The following ZNRD2 variants were observed in gnomAD, a reference collection of about 807,000 sequenced individuals.
The protein encoded by ZNRD2 is zinc ribbon domain containing 2, also known as protein ZNRD2.
A neutral mutation model predicts 22.0 loss-of-function variants in ZNRD2; 16 were observed. The ratio of observed to expected loss-of-function variants is 0.73; its 90% CI spans 0.49 to 1.11. The LOEUF is 1.11. ZNRD2 is among the 50% of genes least tolerant of loss of function. The pLI is 0.00. For synonymous variants in ZNRD2, 105 were observed against 109.8 expected, an observed-to-expected ratio of 0.96 and a Z score of 0.27; for missense variants, 269 against 258.9, an observed-to-expected ratio of 1.04 and a Z score of -0.27.
intron 3 of ZNRD2, 113 bp downstream of exon 3, chr11:65,571,083 C>T: frequency 4.8e-6 from 5 of 1,035,980 alleles, no homozygotes; most frequent in Non-Finnish European, 7.1e-6. Context: ...AGTGGAGTCT[C>T]TGGGTGGGGT....
In ZNRD2 at chr11:65,570,708, C is replaced by T; in HGVS notation, c.124C>T (p.Leu42=). The change falls in exon 2 of 4, where the codon CTG becomes TTG. Residue 42 remains leucine, a synonymous_variant. Transcript: ENST00000309328. ...DRISRLMGDY[L]LRGYRMLGET... ...CATCTCCCGGCTCATGGGCGACTAT[C>T]TGCTGCGCGGTTACCGCATGCTGGG... 1.9e-6 allele frequency: 3 copies of T among 1,613,890 alleles called. No individual in the cohort carries two copies. The highest frequency in any genetic ancestry group is 1.7e-6 in the Non-Finnish European group (2 of 1,179,954).
intron 3 of ZNRD2, 62 bp downstream of exon 3, chr11:65,571,032 G>A (rs772806201): frequency 2.6e-6 from 4 of 1,517,356 alleles, no homozygotes; most frequent in Non-Finnish European, 3.6e-6. Flanking sequence ...GCGTGGTTAA[G>A]TGGTGATAGA....
chr11:65,571,328 A>C (rs1565110912), intron 3 of ZNRD2, 63 bp from the exon 4 acceptor site: 1 of 1,514,406 alleles, frequency 6.6e-7, no homozygotes, highest in Non-Finnish European at 8.8e-7. Context: ...AGAAAAGGAG[A>C]TGGCTCAGGG....
In ZNRD2 at chr11:65,570,908, A is replaced by T; in HGVS notation, c.194A>T (p.Gln65Leu). Reference protein sequence around the residue: ...DCGTILLQDKQRKIYCVACQE... With the variant: ...DCGTILLQDKLRKIYCVACQE... ...TAGACGATCCTCCTCCAAGACAAAC[A>T]GCGGAAAATCTACTGCGTGGCTTGT... Residue 65 changes from glutamine to leucine, a missense_variant, in exon 3 of 4, where the codon CAG becomes CTG. By Grantham distance (113) the Gln-to-Leu change is moderately radical. Transcript: ENST00000309328. 3 of 1,614,162 alleles carry T rather than the reference A, an allele frequency of 1.9e-6. No homozygotes were observed. Among genetic ancestry groups the T allele is most frequent in the Non-Finnish European group, 1.7e-6 (2 of 1,180,034 alleles).
chr11:65,571,456 C>A lies in ZNRD2; in HGVS notation c.322C>A (p.Pro108Thr), dbSNP rs1857123916. ...CCAGCTGGCCTCAGCCTCAGAGCTCCCCCTGGGCTCTCGACCTGCGCCCCA... is the reference window on the plus strand; with the variant it reads ...CCAGCTGGCCTCAGCCTCAGAGCTCACCCTGGGCTCTCGACCTGCGCCCCA... Reference protein sequence around the residue: ...EHQLASASELPLGSRPAPQPP... With the variant: ...EHQLASASELTLGSRPAPQPP... Residue 108 changes from proline (P) to threonine (T), a missense_variant, in exon 4 of 4, where the codon CCC (proline) becomes ACC (threonine). Pro to Thr is a conservative substitution (Grantham distance 38, BLOSUM62 -1). Coordinates refer to ENST00000309328, the MANE Select transcript of ZNRD2 (RefSeq NM_006396.3). The A allele has an allele frequency of 6.2e-7, 1 of 1,613,424 alleles. No homozygotes were observed. Among genetic ancestry groups the A allele is most frequent in the Non-Finnish European group, 8.5e-7 (1 of 1,179,902 alleles).
intron 3 of ZNRD2, 22 bp from the exon 4 acceptor site, chr11:65,571,369 A>G: frequency 6.4e-7 from 1 of 1,557,332 alleles, no homozygotes; most frequent in South Asian, 1.2e-5. Flanking sequence ...TGACCATTCC[A>G]CCCACTTTCT....
Position 65,570,671 on chromosome 11 carries a change from G to A in ZNRD2, c.87G>A (p.Glu29=). The change falls in exon 2 of 4, where the codon GAG becomes GAA. Residue 29 remains glutamate, a synonymous_variant. Coordinates refer to ENST00000309328, the MANE Select transcript of ZNRD2 (RefSeq NM_006396.3). Reference sequence around the variant, plus strand: ...CGAAGGTGCTGCAGGCGCGACGGGAGCGGCAAGATCGCATCTCCCGGCTCA... The same window carrying A: ...CGAAGGTGCTGCAGGCGCGACGGGAACGGCAAGATCGCATCTCCCGGCTCA... ...AETKVLQARR[E]RQDRISRLMG... is the part of the protein sequence containing the mutation. The A allele has an allele frequency of 6.2e-7, 1 of 1,613,850 alleles. No individual in the cohort carries two copies. The highest frequency in any genetic ancestry group is 8.5e-7 in the Non-Finnish European group (1 of 1,179,976).
At chr11:65,571,286 G>A in intron 3 of ZNRD2, 105 bp from the exon 4 acceptor site, 4 of 1,417,058 alleles carry the variant, frequency 2.8e-6, no homozygotes, top group Non-Finnish European at 3.8e-6. Flanking sequence ...AGAGGGACAG[G>A]GAAAACACCT....
In ZNRD2 at chr11:65,570,587, A is replaced by G. The variant is rs762324436; in HGVS notation, c.20-17A>G. On this transcript the variant is annotated splice_polypyrimidine_tract_variant and intron_variant, in intron 1 of 3. Coordinates refer to ENST00000309328, the MANE Select transcript of ZNRD2 (RefSeq NM_006396.3). ...CACTCCGGCAAGACCCCCAGTCCCTATGCCTCTCTTCCCCAGAAGTCGACG... is the reference window on the plus strand; with the variant it reads ...CACTCCGGCAAGACCCCCAGTCCCTGTGCCTCTCTTCCCCAGAAGTCGACG... The G allele has an allele frequency of 5.0e-6, 8 of 1,613,730 alleles. No individual in the cohort carries two copies. The highest frequency in any genetic ancestry group is 8.5e-7 in the Non-Finnish European group (1 of 1,179,958).
At chr11:65,571,050 G>A in intron 3 of ZNRD2, 80 bp downstream of exon 3, 3 of 1,326,862 alleles carry the variant, frequency 2.3e-6, no homozygotes, top group Non-Finnish European at 3.2e-6. Context: ...AGAGGCCCGA[G>A]AACAGTAGGG....
Sources: gnomAD v4.1 joint callset for allele counts on GRCh38, gnomAD v4.1.1 for gene constraint, MANE v1.5 for transcripts, NCBI Gene and HGNC (gene_info 2026-07-23, HGNC 2026-07-21) for gene names.